The following RSU1 variants were observed in gnomAD, a reference collection of about 807,000 sequenced individuals.
The protein encoded by RSU1 is rsu-1.
Under a neutral mutation model 31.1 loss-of-function variants are expected in RSU1, and 26 were observed. The ratio of observed to expected loss-of-function variants is 0.84; its 90% confidence interval spans 0.61 to 1.16. The LOEUF is 1.16. RSU1 is among the 50% of genes most tolerant of loss of function. RSU1 has a pLI of 0.00. For missense variants in RSU1, 320 were observed against 339.1 expected (o/e 0.94, Z 0.44); for synonymous variants, 164 against 136.3 (o/e 1.20, Z -1.41).
chr10:16,816,296 C>G (rs187427220), intron 2 of RSU1, among the ~76,000 whole-genome samples: 183 of 152,296 alleles, frequency 1.2e-3, no homozygotes, highest in Admixed American at 5.2e-3. Flanking sequence ...CACCTATCAC[C>G]TAGTTCATAA....
chr10:16,612,062 TAC>T (rs1833899001), intron 8 of RSU1, among the ~76,000 whole-genome samples: 1 of 152,048 alleles, frequency 6.6e-6, no homozygotes, highest in Non-Finnish European at 1.5e-5. Flanking sequence ...ATAACAGAAA[TAC>T]AGAGTGCTCA....
chr10:16,690,820 A>T (rs967799969), intron 8 of RSU1, among the ~76,000 whole-genome samples: 2 of 152,188 alleles, frequency 1.3e-5, no homozygotes, highest in Non-Finnish European at 2.9e-5. Flanking sequence ...AACTGGTTAG[A>T]AAAAAGCGGT....
chr10:16,674,276 G>A (rs991946758), intron 8 of RSU1, among the ~76,000 whole-genome samples: 1 of 152,086 alleles, frequency 6.6e-6, no homozygotes, highest in Non-Finnish European at 1.5e-5. Flanking sequence ...AAAGGCTGCA[G>A]CCTTGGAAAC....
At chr10:16,595,674 C>A (rs939985784) in intron 8 of RSU1, among the ~76,000 whole-genome samples, 1 of 152,134 alleles carries the variant, frequency 6.6e-6, no homozygotes, top group Non-Finnish European at 1.5e-5. Flanking sequence ...CCCGGCTGTG[C>A]CTCCTCTGAA....
At chr10:16,809,893 TAACA>T (rs1276614316) in intron 2 of RSU1, among the ~76,000 whole-genome samples, 3 of 146,652 alleles carry the variant, frequency 2.0e-5, no homozygotes, top group Non-Finnish European at 3.0e-5. Flanking sequence ...CATCTTAACA[TAACA>T]AACAATAATT....
rs114909042 is a variant in RSU1, at chr10:16,810,746, G to A, written c.109+6227C>T. The stretch of plus-strand genomic sequence containing the variant: ...ATGGTTTTTACAATAGTCATGCACC[G>A]CTTAATAATGTTTCACTCAACAATG... On this transcript the variant is annotated intron_variant, in intron 2 of 8. Coordinates refer to ENST00000345264, the MANE Select transcript of RSU1 (RefSeq NM_012425.4). 8.1e-3 allele frequency among the ~76,000 whole-genome samples: 1,240 copies of A among 152,250 alleles called. 23 individuals are homozygous for A. Among genetic ancestry groups the A allele is most frequent in the African/African-American group, 0.029 (1,193 of 41,540 alleles).
chr10:16,628,966 C>A (rs1268972478), intron 8 of RSU1, among the ~76,000 whole-genome samples: 2 of 152,134 alleles, frequency 1.3e-5, no homozygotes. Flanking sequence ...GTGTTCAGGT[C>A]ATTTTCATCC....
chr10:16,765,526 T>G (rs1175501933), intron 3 of RSU1, among the ~76,000 whole-genome samples: 1 of 152,198 alleles, frequency 6.6e-6, no homozygotes, highest in African/African-American at 2.4e-5. Context: ...TATATACATT[T>G]GAAAATACAA....
intron 3 of RSU1, among the ~76,000 whole-genome samples, chr10:16,771,142 A>G (rs570297330): frequency 6.6e-6 from 1 of 152,326 alleles, no homozygotes; most frequent in Admixed American, 6.5e-5. Flanking sequence ...TTACATTACT[A>G]CAACCAAGTC....
intron 2 of RSU1, among the ~76,000 whole-genome samples, chr10:16,785,449 T>TACATATATACATATATATAC (rs1837762904): frequency 2.9e-5 from 4 of 139,458 alleles, no homozygotes; most frequent in South Asian, 2.1e-4. Context: ...TACACATATA[T>TACATATATACATATATATAC]ACATATATAC....
At chr10:16,686,195 A>T (rs975002223) in intron 8 of RSU1, among the ~76,000 whole-genome samples, 1 of 152,262 alleles carries the variant, frequency 6.6e-6, no homozygotes, top group Non-Finnish European at 1.5e-5. Context: ...ATAAAAAACC[A>T]GCATGTAATA....
chr10:16,717,344 C>A (rs1836164649), intron 7 of RSU1, among the ~76,000 whole-genome samples: 1 of 152,152 alleles, frequency 6.6e-6, no homozygotes, highest in South Asian at 2.1e-4. Flanking sequence ...TACATAAAAA[C>A]TGCAACAACT....
chr10:16,741,716 G>C (rs992697220), intron 7 of RSU1, among the ~76,000 whole-genome samples: 19 of 152,248 alleles, frequency 1.2e-4, no homozygotes, highest in Middle Eastern at 3.4e-3. Context: ...AATCCACTCT[G>C]TAATTTTCTA....
At chr10:16,731,105 C>G (rs919914546) in intron 7 of RSU1, among the ~76,000 whole-genome samples, 2 of 152,170 alleles carry the variant, frequency 1.3e-5, no homozygotes, top group African/African-American at 4.8e-5. Context: ...TGAGCCATGG[C>G]ACCCGGCCTT....
intron 7 of RSU1, among the ~76,000 whole-genome samples, chr10:16,710,885 C>T (rs1386409421): frequency 3.3e-5 from 5 of 152,094 alleles, no homozygotes; most frequent in Non-Finnish European, 7.4e-5. Context: ...TCTCATTGTT[C>T]AACTCCCACT....
Position 16,628,714 on chromosome 10 carries a change from A to T in RSU1, c.732-35218T>A, listed in dbSNP as rs539776699. Among the ~76,000 whole-genome samples the T allele has an allele frequency of 7.9e-5, 12 of 152,326 alleles. No homozygotes were observed. The East Asian group carries it at 1.9e-3, about 25-fold the overall frequency. On this transcript the variant is annotated intron_variant, in intron 8 of 8. Transcript: ENST00000345264. The stretch of plus-strand genomic sequence containing the variant: ...AGAAATGTGAACTTACAGGGAAAAA[A>T]TATGGGGCAAAGTGCCCTGTAGTTT...
chr10:16,688,488 A>C (rs983199419), intron 8 of RSU1, among the ~76,000 whole-genome samples: 1 of 152,210 alleles, frequency 6.6e-6, no homozygotes, highest in Non-Finnish European at 1.5e-5. Context: ...GAGCGCCTGC[A>C]GTCCCAGCCA....
intron 7 of RSU1, among the ~76,000 whole-genome samples, chr10:16,704,995 C>A (rs1471517855): frequency 6.6e-6 from 1 of 152,076 alleles, no homozygotes; most frequent in Non-Finnish European, 1.5e-5. Flanking sequence ...CTTGTAAAAC[C>A]TTAATTCTAA....
chr10:16,614,252 T>C (rs1157248028), intron 8 of RSU1, among the ~76,000 whole-genome samples: 1 of 152,172 alleles, frequency 6.6e-6, no homozygotes, highest in South Asian at 2.1e-4. Context: ...ATGTTGTAGA[T>C]GTTAAATCAA....
Sources: allele counts gnomAD v4.1 joint callset (sites outside exome capture counted in the v4.1 genomes callset), GRCh38; gene constraint gnomAD v4.1.1; transcripts MANE v1.5; gene names NCBI Gene and HGNC (gene_info 2026-07-23, HGNC 2026-07-21).